The following ATM variants were observed in gnomAD, a reference collection of about 807,000 sequenced individuals.
The protein encoded by ATM is ATM serine/threonine kinase.
ATM carries 308 observed loss-of-function variants against 387.0 expected under a neutral mutation model. The observed-to-expected ratio is 0.80, with a 90% CI of 0.73 to 0.87. The LOEUF (loss-of-function observed/expected upper bound fraction) is 0.87. Among genes scored for constraint, ATM ranks in the 40% least tolerant of loss-of-function variants. The pLI, the probability that ATM is intolerant of heterozygous loss-of-function variation, is 0.00. For synonymous variants in ATM, 1,156 were observed against 1,187.3 expected, an observed-to-expected ratio of 0.97 and a Z score of 0.54; for missense variants, 3,312 against 3,560.9, an observed-to-expected ratio of 0.93 and a Z score of 1.78.
intron 61 of ATM, among the ~76,000 whole-genome samples, chr11:108,357,379 C>A (rs2090118592): frequency 6.6e-6 from 1 of 152,252 alleles, no homozygotes; most frequent in Non-Finnish European, 1.5e-5. Context: ...GGGGCGCCCG[C>A]CATTGCCCAG....
At chr11:108,237,437 C>T (rs1249186882) in intron 5 of ATM, among the ~76,000 whole-genome samples, 1 of 152,066 alleles carries the variant, frequency 6.6e-6, no homozygotes, top group African/African-American at 2.4e-5. Flanking sequence ...CTGAAACCCC[C>T]TTTTTATTTT....
intron 1 of ATM, chr11:108,227,254 T>A: frequency 1.0e-5 from 2 of 194,416 alleles, no homozygotes; most frequent in South Asian, 1.7e-4. Context: ...CTTGTGATCC[T>A]CCCACCTTGG....
At chr11:108,286,169 T>G (rs1341037774) in intron 26 of ATM, among the ~76,000 whole-genome samples, 12 of 151,734 alleles carry the variant, frequency 7.9e-5, no homozygotes, top group Admixed American at 7.9e-4. Flanking sequence ...CCATCTCTAC[T>G]GGGTGTGGTG....
At chr11:108,264,122 C>G (rs537109959) in intron 16 of ATM, among the ~76,000 whole-genome samples, 158 of 152,012 alleles carry the variant, frequency 1.0e-3, no homozygotes, top group Admixed American at 1.6e-3. Context: ...TCCTCCCTAA[C>G]TCATTTTATG....
chr11:108,260,741 A>C (rs1399732124), intron 16 of ATM, among the ~76,000 whole-genome samples: 3 of 152,126 alleles, frequency 2.0e-5, no homozygotes, highest in Non-Finnish European at 4.4e-5. Flanking sequence ...GGTTCATCTC[A>C]CTAGGGAGTG....
At chr11:108,325,249 G>GTTTTTTTTTTTTTTTTTTTTTTTTT (rs11366542) in intron 45 of ATM, 61 bp from the exon 46 acceptor site, 1 of 537,680 alleles carries the variant, frequency 1.9e-6, no homozygotes, top group Non-Finnish European at 3.1e-6. Context: ...AACTTACATA[G>GTTTTTTTTTTTTTTTTTTTTTTTTT]TTTTTTTTTT....
intron 16 of ATM, among the ~76,000 whole-genome samples, chr11:108,259,861 A>G (rs905915274): frequency 1.3e-5 from 2 of 152,104 alleles, no homozygotes; most frequent in Admixed American, 6.5e-5. Flanking sequence ...TTGAGTGAAA[A>G]CATATTCTGT....
At chr11:108,272,655 G>A (rs2135568017) in intron 21 of ATM, 48 bp downstream of exon 21, 1 of 1,612,594 alleles carries the variant, frequency 6.2e-7, no homozygotes, top group Non-Finnish European at 8.5e-7. Flanking sequence ...AAATTTTAAA[G>A]CAGTCTTTGT....
chr11:108,252,462 C>A (rs228592), intron 11 of ATM, among the ~76,000 whole-genome samples: 83,046 of 151,872 alleles, frequency 0.55, 23,128 homozygotes, highest in Middle Eastern at 0.74. Context: ...GAATGGAGTC[C>A]CTCGTCCACT....
chr11:108,331,085 A>G lies in ATM; in HGVS notation c.7516-359A>G, dbSNP rs12792858. ...TAAATATTACTTTTGGCCTATGGGG[A>G]AAAGCAATTACTTCATTTTATTGTA... is the stretch of plus-strand genomic sequence containing the variant. On this transcript the variant is annotated intron_variant, in intron 50 of 62. Coordinates refer to ENST00000675843, the MANE Select transcript of ATM (RefSeq NM_000051.4). 31 of 871,930 alleles carry G rather than the reference A, an allele frequency of 3.6e-5. No individual in the cohort carries two copies. The South Asian group carries it at 1.0e-3, about 28-fold the overall frequency. The allele number at this position is 871,930 out of a possible 1,614,324, so 54.0% of individuals were successfully genotyped here. A position where few individuals can be genotyped will look rare whatever the true frequency, so the allele number is the denominator to read the frequency against.
intron 42 of ATM, among the ~76,000 whole-genome samples, chr11:108,317,046 G>A (rs1356173410): frequency 6.6e-6 from 1 of 150,962 alleles, no homozygotes; most frequent in Non-Finnish European, 1.5e-5. Context: ...GGCACCTCTC[G>A]CTTCAGCCAC....
chr11:108,234,670 C>T (rs2079180264), intron 4 of ATM, among the ~76,000 whole-genome samples: 1 of 151,928 alleles, frequency 6.6e-6, no homozygotes, highest in African/African-American at 2.4e-5. Flanking sequence ...GAGATTCTGT[C>T]TCTATGAAAA....
chr11:108,304,421 A>C (rs1591716693), intron 36 of ATM, among the ~76,000 whole-genome samples: 1 of 152,200 alleles, frequency 6.6e-6, no homozygotes, highest in Non-Finnish European at 1.5e-5. Context: ...AATGGCCTAG[A>C]CTGGAAATAA....
At chr11:108,362,006 C>T (rs2090825024) in intron 61 of ATM, among the ~76,000 whole-genome samples, 1 of 132,650 alleles carries the variant, frequency 7.5e-6, no homozygotes, top group African/African-American at 2.8e-5. Context: ...TCAGAGTGAA[C>T]AGGCAACCTA....
At chr11:108,300,937 C>T (rs904955533) in intron 34 of ATM, among the ~76,000 whole-genome samples, 2 of 143,600 alleles carry the variant, frequency 1.4e-5, no homozygotes, top group African/African-American at 5.2e-5. Flanking sequence ...GGCTGGAGCG[C>T]AGTGGCATGA....
At chr11:108,296,561 A>G (rs1409061817) in intron 32 of ATM, among the ~76,000 whole-genome samples, 1 of 152,032 alleles carries the variant, frequency 6.6e-6, no homozygotes, top group Admixed American at 6.6e-5. Context: ...CTAATTTCAT[A>G]TTTCTCTTGT....
chr11:108,257,425 C>T (rs2080567979), intron 14 of ATM, 56 bp from the exon 15 acceptor site: 6 of 1,591,194 alleles, frequency 3.8e-6, no homozygotes, highest in Non-Finnish European at 5.1e-6. Context: ...CTGTAAAAAG[C>T]AATACTAAAC....
rs193192771 is a variant in ATM, at chr11:108,264,311, G to T, written c.2467-2860G>T. ...ATCAAGTGGGCTTCATCCCTGGGATGCCAGGCTGGTTCAATGTACACAAAT... is the reference window on the plus strand; with the variant it reads ...ATCAAGTGGGCTTCATCCCTGGGATTCCAGGCTGGTTCAATGTACACAAAT... On this transcript the variant is annotated intron_variant, in intron 16 of 62. Transcript: ENST00000675843. Among the ~76,000 whole-genome samples the T allele has an allele frequency of 9.9e-5, 15 of 152,252 alleles. No individual in the cohort carries two copies. The East Asian group carries it at 2.9e-3, about 29-fold the overall frequency.
rs730881293 is a variant in ATM, at chr11:108,332,808, G to GGA, written c.7838_7839dup (p.Pro2614AspfsTer18). ...AGAATAATATGTACTATCAGAAGTAGGAGACCTCAGATGGTCAGAAGTGTT... is the reference window on the plus strand; with the variant it reads ...AGAATAATATGTACTATCAGAAGTAGGAGAGACCTCAGATGGTCAGAAGTGTT... On this transcript the variant is annotated frameshift_variant, in exon 53 of 63. Transcript: ENST00000675843. LOFTEE classifies it high-confidence loss of function. The GGA allele has an allele frequency of 1.9e-6, 3 of 1,613,372 alleles. No homozygotes were observed. Among genetic ancestry groups the GGA allele is most frequent in the Non-Finnish European group, 2.5e-6 (3 of 1,179,714 alleles).
Sources: allele counts gnomAD v4.1 joint callset (sites outside exome capture counted in the v4.1 genomes callset), GRCh38; gene constraint gnomAD v4.1.1; transcripts MANE v1.5; gene names NCBI Gene and HGNC (gene_info 2026-07-23, HGNC 2026-07-21).